Variants in OSMR observed in about 807,000 individuals in gnomAD.
The protein encoded by OSMR is oncostatin M receptor.
In OSMR, 81 loss-of-function variants were observed where a neutral mutation model predicts 99.9. The ratio of observed to expected loss-of-function variants is 0.81; its 90% confidence interval spans 0.68 to 0.97. The LOEUF (loss-of-function observed/expected upper bound fraction) is 0.97. Ranked by LOEUF, OSMR falls within the 50% of genes least tolerant of loss-of-function variation. The probability of loss-of-function intolerance (pLI) is 0.00; values close to 1 mark genes in which losing one functional copy is unlikely to be tolerated. For missense variants in OSMR, 1,099 were observed against 1,153.4 expected (o/e 0.95, Z 0.68); for synonymous variants, 406 against 410.4 (o/e 0.99, Z 0.13).
chr5:38,942,907 G>A (rs772897535), intron 1 of OSMR: 6 of 1,607,440 alleles, frequency 3.7e-6, no homozygotes, highest in Non-Finnish European at 5.1e-6. Flanking sequence ...CAGTGTGACA[G>A]CAAATGGGAA....
intron 12 of OSMR, 123 bp downstream of exon 12, chr5:38,921,917 C>T: frequency 1.2e-6 from 1 of 806,646 alleles, no homozygotes; most frequent in South Asian, 1.5e-5. Context: ...ACGACAAATC[C>T]AGCATGGGTG....
chr5:38,938,903 CT>C (rs1310574870), downstream of OSMR: 7 of 232,924 alleles, frequency 3.0e-5, no homozygotes, highest in African/African-American at 1.5e-4. Flanking sequence ...ACAAAAGTCT[CT>C]CAATTTTACC....
At chr5:38,860,640 G>C (rs1741216320) in intron 1 of OSMR, among the ~76,000 whole-genome samples, 1 of 152,106 alleles carries the variant, frequency 6.6e-6, no homozygotes, top group East Asian at 1.9e-4. Flanking sequence ...TTGAGAATTG[G>C]TGTTAGTTCT....
chr5:38,913,430 G>A (rs532321305), intron 9 of OSMR, among the ~76,000 whole-genome samples: 1 of 151,948 alleles, frequency 6.6e-6, no homozygotes, highest in African/African-American at 2.4e-5. Flanking sequence ...GCTGCCTATA[G>A]TCCCAGCTAC....
At chr5:38,851,348 G>T (rs570967165) in intron 1 of OSMR, among the ~76,000 whole-genome samples, 3 of 152,182 alleles carry the variant, frequency 2.0e-5, no homozygotes, top group South Asian at 4.2e-4. Flanking sequence ...CTTTGGGGCT[G>T]GTTTGGATCC....
chr5:38,901,625 A>G (rs941202246), intron 7 of OSMR, among the ~76,000 whole-genome samples: 5 of 152,204 alleles, frequency 3.3e-5, no homozygotes, highest in African/African-American at 1.2e-4. Context: ...CAAGCAACTT[A>G]TATGTCCAAA....
At chr5:38,869,341 C>T (rs961751500) in intron 2 of OSMR, among the ~76,000 whole-genome samples, 3 of 152,212 alleles carry the variant, frequency 2.0e-5, no homozygotes, top group Non-Finnish European at 4.4e-5. Context: ...TTGACCCTGA[C>T]TTCCTGGTCA....
chr5:38,866,408 C>T (rs555706443), intron 1 of OSMR, among the ~76,000 whole-genome samples: 3 of 152,258 alleles, frequency 2.0e-5, no homozygotes, highest in East Asian at 3.9e-4. Flanking sequence ...GAGTTGCTGT[C>T]AGTGACAGTG....
chr5:38,902,606 G>A (rs1744967289), intron 7 of OSMR, among the ~76,000 whole-genome samples: 1 of 152,134 alleles, frequency 6.6e-6, no homozygotes, highest in South Asian at 2.1e-4. Flanking sequence ...CCTTCGGTAA[G>A]CACCTAGAGA....
chr5:38,880,886 C>T lies in OSMR; in HGVS notation c.247-707C>T, dbSNP rs1579692417. Reference sequence around the variant, plus strand: ...GAAAGATGAAGGCTAAAGGCTGTGTCAAAAGCCCAAATTACAGCTCAACTT... The same window carrying T: ...GAAAGATGAAGGCTAAAGGCTGTGTTAAAAGCCCAAATTACAGCTCAACTT... On this transcript the variant is annotated intron_variant, in intron 3 of 17. Transcript: ENST00000274276. 2.0e-5 allele frequency among the ~76,000 whole-genome samples: 3 copies of T among 152,188 alleles called. No individual in the cohort carries two copies. The South Asian group carries it at 6.2e-4, about 32-fold the overall frequency.
chr5:38,906,172 T>TG (rs1447017830), intron 9 of OSMR, among the ~76,000 whole-genome samples: 2 of 24,436 alleles, frequency 8.2e-5, no homozygotes, highest in Non-Finnish European at 1.9e-4. Context: ...ACGTTTTCTG[T>TG]TTTTTTTTTG....
chr5:38,918,998 A>G lies in OSMR; in HGVS notation c.1521A>G (p.Ile507Met). ...GGTGTTCCTACCAAATCTGCGTCATAGCCAACAACAGTGTGGGTGCTTCTC... is the reference window on the plus strand; with the variant it reads ...GGTGTTCCTACCAAATCTGCGTCATGGCCAACAACAGTGTGGGTGCTTCTC... ...LDRCSYQICVIANNSVGASPA... is the reference protein window; with the variant it reads ...LDRCSYQICVMANNSVGASPA... Residue 507 changes from isoleucine to methionine, a missense_variant, in exon 11 of 18, where the codon ATA (isoleucine) becomes ATG (methionine). By Grantham distance (10) the Ile-to-Met change is conservative. Transcript: ENST00000274276. 6.2e-7 allele frequency: 1 copy of G among 1,614,172 alleles called. No homozygotes were observed.
chr5:38,921,403 C>A, intron 11 of OSMR: 1 of 774,320 alleles, frequency 1.3e-6, no homozygotes, highest in Non-Finnish European at 1.6e-6. Flanking sequence ...ACATGATGGG[C>A]ATCTGAAGGG....
At chr5:38,914,251 A>G (rs1435552610) in intron 9 of OSMR, among the ~76,000 whole-genome samples, 1 of 152,208 alleles carries the variant, frequency 6.6e-6, no homozygotes, top group Non-Finnish European at 1.5e-5. Flanking sequence ...CTCTTTGGCT[A>G]GTAGATGGTC....
chr5:38,890,495 A>G (rs1744080873), intron 7 of OSMR, among the ~76,000 whole-genome samples: 1 of 152,180 alleles, frequency 6.6e-6, no homozygotes, highest in African/African-American at 2.4e-5. Flanking sequence ...ACCCTAAGCA[A>G]CTGCTAGCAA....
chr5:38,873,338 T>C (rs562662367), intron 2 of OSMR, among the ~76,000 whole-genome samples: 8 of 152,384 alleles, frequency 5.2e-5, no homozygotes, highest in Admixed American at 2.0e-4. Context: ...GGTCATCCAC[T>C]GATGAAAGTT....
At chr5:38,920,545 A>T (rs1417971946) in intron 11 of OSMR, among the ~76,000 whole-genome samples, 1 of 152,156 alleles carries the variant, frequency 6.6e-6, no homozygotes, top group Non-Finnish European at 1.5e-5. Flanking sequence ...TGTGGATGGG[A>T]TCTATAAAGC....
Position 38,886,488 on chromosome 5 carries a change from G to A in OSMR, c.991+298G>A, listed in dbSNP as rs144749870. 2.6e-4 allele frequency: 106 copies of A among 415,650 alleles called. 1 individual carries two copies. The highest frequency in any genetic ancestry group is 1.9e-3 in the African/African-American group (91 of 48,858). The allele number at this position is 415,650 out of a possible 1,614,324, so 25.7% of individuals were successfully genotyped here. On this transcript the variant is annotated intron_variant, in intron 7 of 17. Transcript: ENST00000274276. ...TAACGCCCCCACCTTCGCTCCTTCC[G>A]CCAAGATAATTATCACTTTAAATTG...
At chr5:38,920,276 C>T (rs1746168594) in intron 11 of OSMR, among the ~76,000 whole-genome samples, 1 of 152,152 alleles carries the variant, frequency 6.6e-6, no homozygotes, top group Non-Finnish European at 1.5e-5. Flanking sequence ...TGTATAAAGT[C>T]ACTCATGTAC....
Sources: gnomAD v4.1 joint callset for allele counts (sites outside exome capture counted in the v4.1 genomes callset) on GRCh38, gnomAD v4.1.1 for gene constraint, MANE v1.5 for transcripts, NCBI Gene and HGNC (gene_info 2026-07-23, HGNC 2026-07-21) for gene names.